EFTUD2: variants seen among roughly 807,000 people sequenced by gnomAD.
EFTUD2 encodes 116 kDa U5 small nuclear ribonucleoprotein component.
A neutral mutation model predicts 114.3 loss-of-function variants in EFTUD2; 9 were observed. That is an observed-to-expected ratio of 0.08 (90% confidence interval 0.05 to 0.14). The LOEUF (loss-of-function observed/expected upper bound fraction) is 0.14. Ranked by LOEUF, EFTUD2 falls within the 10% of genes least tolerant of loss-of-function variation. The pLI is 1.00. For missense variants in EFTUD2, 765 were observed against 1,241.2 expected, an observed-to-expected ratio of 0.62 and a Z score of 5.76; for synonymous variants, 449 against 462.3, an observed-to-expected ratio of 0.97 and a Z score of 0.37.
Position 44,854,318 on chromosome 17 carries a change from G to A in EFTUD2, c.2298C>T (p.Ile766=), listed in dbSNP as rs552616235. 11 of 1,613,912 alleles carry A rather than the reference G, an allele frequency of 6.8e-6. 1 individual carries two copies. Among genetic ancestry groups the A allele is most frequent in the South Asian group, 4.4e-5 (4 of 91,058 alleles). ...KALLGSVKDS[I]VQGFQWGTRE... ...TGGTTCCCCACTGGAAACCTTGAAC[G>A]ATGCTGTCCTTCACTGAACCAAGAA... The change falls in exon 23 of 28, where the codon ATC becomes ATT. Residue 766 remains isoleucine (I), a synonymous_variant. Transcript: ENST00000426333. This position sits in a 1 kb window ranked among gnomAD's most constrained non-coding sequence, Gnocchi z 4.3.
In EFTUD2 at chr17:44,863,798, A is replaced by T. The variant is rs748071963; in HGVS notation, c.1286-16T>A. 1 of 1,613,308 alleles carries T rather than the reference A, an allele frequency of 6.2e-7. No individual in the cohort carries two copies. The highest frequency in any genetic ancestry group is 1.1e-5 in the South Asian group (1 of 90,932). ...TCCACAAAGCCTGTGGATGGAGAAGAGAAAGCCATTAATACATGCCTTCCC... is the reference window on the plus strand; with the variant it reads ...TCCACAAAGCCTGTGGATGGAGAAGTGAAAGCCATTAATACATGCCTTCCC... On this transcript the variant is annotated splice_polypyrimidine_tract_variant and intron_variant, in intron 14 of 27. Transcript: ENST00000426333.
chr17:44,899,084 G>C (rs1187868092), intron 1 of EFTUD2: 1 of 152,192 alleles, frequency 6.6e-6, no homozygotes. Flanking sequence ...CGAGGGGACT[G>C]GACAGTTAGA....
intron 2 of EFTUD2, among the ~76,000 whole-genome samples, chr17:44,889,056 C>A (rs904047551): frequency 6.6e-6 from 1 of 152,112 alleles, no homozygotes; most frequent in Admixed American, 6.5e-5. Context: ...GAGGAAGCAG[C>A]AGCAAAGGCT....
intron 3 of EFTUD2, among the ~76,000 whole-genome samples, 197 bp from the exon 4 acceptor site, chr17:44,885,531 A>G (rs1356031212): frequency 6.6e-6 from 1 of 152,126 alleles, no homozygotes; most frequent in Non-Finnish European, 1.5e-5. Context: ...TGAATTGTGG[A>G]AAGAGGAGTC....
intron 12 of EFTUD2, 103 bp from the exon 13 acceptor site, chr17:44,868,000 G>C (rs2050782209): frequency 1.7e-6 from 2 of 1,164,532 alleles, no homozygotes; most frequent in Non-Finnish European, 1.2e-6. Flanking sequence ...GCCCAGGGGA[G>C]GAATGTGTGT....
chr17:44,883,526 C>A, intron 5 of EFTUD2, 123 bp downstream of exon 5: 1 of 905,848 alleles, frequency 1.1e-6, no homozygotes, highest in Admixed American at 1.9e-5. Flanking sequence ...AGGCATGCAG[C>A]ACCCCTAGTC....
At chr17:44,881,832 TAA>T in intron 6 of EFTUD2, 110 bp from the exon 7 acceptor site, 1 of 1,020,438 alleles carries the variant, frequency 9.8e-7, no homozygotes, top group Non-Finnish European at 1.5e-6. Context: ...TCTTTGAGAT[TAA>T]AGAGAGAGAG....
chr17:44,871,045 T>G (rs141983348), intron 11 of EFTUD2, among the ~76,000 whole-genome samples: 3 of 152,148 alleles, frequency 2.0e-5, no homozygotes, highest in African/African-American at 2.4e-5. Flanking sequence ...AACCAAATTT[T>G]TCTTGTTTTT....
intron 11 of EFTUD2, 146 bp downstream of exon 11, chr17:44,872,300 C>T (rs2050869372): frequency 1.4e-5 from 15 of 1,088,366 alleles, no homozygotes; most frequent in Non-Finnish European, 2.0e-5. Context: ...CTCAAGGCCA[C>T]AAAGACCCCC....
At position 44,852,547 on chromosome 17, in the gene EFTUD2, C is replaced by T; in HGVS notation, c.2577G>A (p.Gln859=). 3 of 1,614,076 alleles carry T rather than the reference C, an allele frequency of 1.9e-6. No homozygotes were observed. The South Asian group carries it at 3.3e-5, about 18-fold the overall frequency. ...GAGGGGAGCCTGGGATGGGTGCATCCTGAGTCACGTGCCCCCTGAGACAGA... is the reference window on the plus strand; with the variant it reads ...GAGGGGAGCCTGGGATGGGTGCATCTTGAGTCACGTGCCCCCTGAGACAGA... The part of the protein sequence containing the change: ...VLARRRGHVT[Q]DAPIPGSPLY... Residue 859 remains glutamine, a synonymous_variant, in exon 26 of 28, where the codon CAG becomes CAA. Coordinates refer to ENST00000426333, the MANE Select transcript of EFTUD2 (RefSeq NM_004247.4).
intron 6 of EFTUD2, among the ~76,000 whole-genome samples, chr17:44,882,339 C>T (rs1020234659): frequency 1.3e-5 from 2 of 152,174 alleles, no homozygotes; most frequent in African/African-American, 4.8e-5. Flanking sequence ...GCAACCTCTA[C>T]CACCCAGGTT....
In EFTUD2 at chr17:44,854,180, G is replaced by T; in HGVS notation, c.2347+89C>A. ...TGTACCCCAAGCTGCTTCTCCTGCCGAATCCTAAAGATGGTGAGCCCATCC... is the reference window on the plus strand; with the variant it reads ...TGTACCCCAAGCTGCTTCTCCTGCCTAATCCTAAAGATGGTGAGCCCATCC... On this transcript the variant is annotated intron_variant, in intron 23 of 27. Transcript: ENST00000426333. This position sits in a 1 kb window ranked among gnomAD's most constrained non-coding sequence, Gnocchi z 4.3. The T allele has an allele frequency of 1.4e-6, 2 of 1,453,534 alleles. No individual in the cohort carries two copies. The highest frequency in any genetic ancestry group is 1.4e-5 in the South Asian group (1 of 73,948). The allele number at this position is 1,453,534 out of a possible 1,614,324, so 90.0% of individuals were successfully genotyped here.
intron 20 of EFTUD2, 104 bp from the exon 21 acceptor site, chr17:44,855,108 T>C (rs2050525122): frequency 9.7e-7 from 1 of 1,028,874 alleles, no homozygotes; most frequent in Non-Finnish European, 1.5e-6. Context: ...GTGACATCAG[T>C]GAAAGCCACA....
At chr17:44,883,913 G>T (rs895888701) in intron 4 of EFTUD2, 189 bp from the exon 5 acceptor site, 2 of 604,046 alleles carry the variant, frequency 3.3e-6, no homozygotes, top group African/African-American at 3.7e-5. Context: ...TATCCAAGAG[G>T]TAACACAATC....
chr17:44,867,481 G>T (rs1489524014), intron 13 of EFTUD2, among the ~76,000 whole-genome samples: 1 of 151,580 alleles, frequency 6.6e-6, no homozygotes, highest in Non-Finnish European at 1.5e-5. Flanking sequence ...TTGTATTTTG[G>T]TGGAGACGGG....
rs369485697 is a variant in EFTUD2 at position 44,875,895 on chromosome 17, C to G, written c.869+39G>C. 3 of 1,600,370 alleles carry G rather than the reference C, an allele frequency of 1.9e-6. No individual in the cohort carries two copies. The Admixed American group carries it at 5.0e-5, about 27-fold the overall frequency. On this transcript the variant is annotated intron_variant, in intron 10 of 27. Transcript: ENST00000426333. The stretch of plus-strand genomic sequence containing the variant: ...AGGTATTCAGGGTTAAAACCCAGAG[C>G]CTCCGAGGACAGGAAATCCACTCCC...
chr17:44,896,698 C>A (rs546566183), intron 1 of EFTUD2, among the ~76,000 whole-genome samples: 2 of 152,196 alleles, frequency 1.3e-5, no homozygotes, highest in East Asian at 1.9e-4. Context: ...ATTACCATCA[C>A]CAACTATAGT....
At position 44,854,149 on chromosome 17, in the gene EFTUD2, G is replaced by A; in HGVS notation, c.2347+120C>T. 7.1e-7 allele frequency: 1 copy of A among 1,417,474 alleles called. No homozygotes were observed. The highest frequency in any genetic ancestry group is 9.5e-7 in the Non-Finnish European group (1 of 1,051,850). The allele number at this position is 1,417,474 out of a possible 1,614,324, so 87.8% of individuals were successfully genotyped here. On this transcript the variant is annotated intron_variant, in intron 23 of 27. Transcript: ENST00000426333. The surrounding 1 kb of genome is among the most constrained non-coding windows in gnomAD (Gnocchi z 4.3). ...AGAAGCTGGCCCAGGACTTGGGATG[G>A]TCCTGTGTACCCCAAGCTGCTTCTC... is the stretch of plus-strand genomic sequence containing the variant.
Position 44,853,531 on chromosome 17 carries a change from A to T in EFTUD2, c.2452T>A (p.Ser818Thr), listed in dbSNP as rs1397403210. 1 of 1,614,238 alleles carries T rather than the reference A, an allele frequency of 6.2e-7. No homozygotes were observed. The highest frequency in any genetic ancestry group is 1.7e-5 in the Admixed American group (1 of 60,030). ...IIPTARRVVY[S>T]AFLMATPRLM... Reference sequence around the variant, plus strand: ...CATTCTCTTACCATGAGGAAGGCAGAGTAGACGACTCTCCTGGCTGTGGGG... The same window carrying T: ...CATTCTCTTACCATGAGGAAGGCAGTGTAGACGACTCTCCTGGCTGTGGGG... Residue 818 changes from serine (S) to threonine (T), a missense_variant, in exon 24 of 28, where the codon TCT (serine) becomes ACT (threonine). Transcript: ENST00000426333.
Sources: allele counts gnomAD v4.1 joint callset (sites outside exome capture counted in the v4.1 genomes callset), GRCh38; gene constraint gnomAD v4.1.1; non-coding constraint Gnocchi (gnomAD v3.1); transcripts MANE v1.5; gene names NCBI Gene and HGNC (gene_info 2026-07-23, HGNC 2026-07-21).